RASGRF1: variants seen among roughly 807,000 people sequenced by gnomAD.
RASGRF1 encodes ras-specific guanine nucleotide-releasing factor 1.
Under a neutral mutation model 138.7 loss-of-function variants are expected in RASGRF1, and 40 were observed. That is an observed-to-expected ratio of 0.29 (90% CI 0.22 to 0.38). The LOEUF is 0.38. Ranked by LOEUF, RASGRF1 falls within the 10% of genes least tolerant of loss-of-function variation. RASGRF1 has a pLI of 1.00. For missense variants in RASGRF1, 1,108 were observed against 1,650.4 expected (o/e 0.67, Z 5.69); for synonymous variants, 614 against 663.2 (o/e 0.93, Z 1.14).
chr15:79,009,904 T>C (rs1057044029), intron 13 of RASGRF1, among the ~76,000 whole-genome samples: 4 of 151,920 alleles, frequency 2.6e-5, no homozygotes, highest in Non-Finnish European at 5.9e-5. Context: ...TTTTGTGTTT[T>C]AGTAGAGACG....
chr15:79,060,009 C>CAG (rs993986343), intron 2 of RASGRF1, among the ~76,000 whole-genome samples: 2 of 99,072 alleles, frequency 2.0e-5, no homozygotes, highest in African/African-American at 7.5e-5. Context: ...CACACACACA[C>CAG]ACACACACAC....
chr15:78,984,284 A>G (rs1329951335), intron 23 of RASGRF1, among the ~76,000 whole-genome samples: 1 of 152,128 alleles, frequency 6.6e-6, no homozygotes, highest in East Asian at 1.9e-4. Context: ...CCTCCTGCAC[A>G]CATGCAGGCT....
intron 26 of RASGRF1, among the ~76,000 whole-genome samples, chr15:78,971,390 T>C (rs543809051): frequency 2.0e-5 from 3 of 152,320 alleles, no homozygotes; most frequent in African/African-American, 7.2e-5. Context: ...AAAGGAATGA[T>C]ACTGAGCAGT....
intron 22 of RASGRF1, among the ~76,000 whole-genome samples, chr15:78,988,897 A>G (rs2056216099): frequency 1.4e-5 from 2 of 141,658 alleles, no homozygotes; most frequent in African/African-American, 2.6e-5. Context: ...AATGGAAGCC[A>G]TGAGCTACCA....
At position 79,029,419 on chromosome 15, in the gene RASGRF1, G is replaced by A. The variant is rs115605779; in HGVS notation, c.1263-1560C>T. Among the ~76,000 whole-genome samples the A allele has an allele frequency of 3.0e-3, 456 of 152,284 alleles. 2 individuals carry two copies. Among genetic ancestry groups the A allele is most frequent in the African/African-American group, 8.2e-3 (342 of 41,552 alleles). On this transcript the variant is annotated intron_variant, in intron 8 of 26. Coordinates refer to ENST00000558480, the MANE Select transcript of RASGRF1 (RefSeq NM_001145648.3). ...ACACAAGGCGGGTAATTCCAAGGTA[G>A]CAAAACTAGTTTTCCTGAGCAGCTG...
chr15:79,050,604 A>G lies in RASGRF1; in HGVS notation c.532-1016T>C, dbSNP rs535933758. Among the ~76,000 whole-genome samples the G allele has an allele frequency of 2.6e-5, 4 of 152,300 alleles. No homozygotes were observed. In the South Asian group the frequency reaches 6.2e-4, roughly 24 times the overall value. On this transcript the variant is annotated intron_variant, in intron 3 of 26. Transcript: ENST00000558480. The surrounding 1 kb of genome is among the most constrained non-coding windows in gnomAD (Gnocchi z 4.1). ...AGAAAAGTGGAGCAGCTCTTCAAATATCTAGCTGCTCTAAACATCTCCATT... is the reference window on the plus strand; with the variant it reads ...AGAAAAGTGGAGCAGCTCTTCAAATGTCTAGCTGCTCTAAACATCTCCATT...
chr15:79,025,485 A>T lies in RASGRF1; in HGVS notation c.1382-11T>A. ...CCTGAATGAGGGAACCTGTGGGTGG[A>T]GGAGAGAGACCCTGAGCCCATCTCC... On this transcript the variant is annotated splice_polypyrimidine_tract_variant and intron_variant, in intron 9 of 26. Transcript: ENST00000558480. 1 of 1,610,114 alleles carries T rather than the reference A, an allele frequency of 6.2e-7. No individual in the cohort carries two copies. The highest frequency in any genetic ancestry group is 1.1e-5 in the South Asian group (1 of 90,638).
At chr15:78,992,059 G>T (rs2056281353) in intron 20 of RASGRF1, among the ~76,000 whole-genome samples, 1 of 152,222 alleles carries the variant, frequency 6.6e-6, no homozygotes, top group African/African-American at 2.4e-5. Context: ...CCCTGCCAGG[G>T]AGCTCCCAGC....
intron 13 of RASGRF1, among the ~76,000 whole-genome samples, chr15:79,010,024 C>CT (rs1359186092): frequency 7.0e-6 from 1 of 143,820 alleles, no homozygotes; most frequent in Admixed American, 7.0e-5. Flanking sequence ...CACCCAGCCT[C>CT]TTTGTTTGTT....
chr15:79,019,657 T>C (rs1442465754), intron 11 of RASGRF1, among the ~76,000 whole-genome samples: 4 of 152,168 alleles, frequency 2.6e-5, no homozygotes, highest in Admixed American at 6.5e-5. Flanking sequence ...CTTGTGCATG[T>C]CACACACAGG....
At position 79,067,805 on chromosome 15, in the gene RASGRF1, G is replaced by A. The variant is rs143812952; in HGVS notation, c.277-3279C>T. 3.2e-3 allele frequency among the ~76,000 whole-genome samples: 486 copies of A among 152,218 alleles called. 7 individuals carry two copies. Among genetic ancestry groups the A allele is most frequent in the African/African-American group, 0.011 (463 of 41,506 alleles). On this transcript the variant is annotated intron_variant, in intron 1 of 26. Coordinates refer to ENST00000558480, the MANE Select transcript of RASGRF1 (RefSeq NM_001145648.3). ...AGACAGAGATAAGATAGAGATAGAT[G>A]GGTGGGGGGCAGGTGGGAGAGGGAG...
chr15:78,995,597 T>C (rs7174528), intron 20 of RASGRF1, 143 bp downstream of exon 20: 143,762 of 1,011,894 alleles, frequency 0.14, 11,055 homozygotes, highest in Admixed American at 0.16. Context: ...CCCATTCCTG[T>C]TGTTTTAAGC....
At chr15:79,056,984 C>T (rs2057519685) in intron 3 of RASGRF1, among the ~76,000 whole-genome samples, 1 of 152,210 alleles carries the variant, frequency 6.6e-6, no homozygotes, top group Non-Finnish European at 1.5e-5. Flanking sequence ...ATGCATGTTC[C>T]TACCTCCCAC....
chr15:79,038,405 GTTAAAT>G (rs2057251302), intron 5 of RASGRF1, among the ~76,000 whole-genome samples: 1 of 152,098 alleles, frequency 6.6e-6, no homozygotes, highest in Admixed American at 6.5e-5. Flanking sequence ...CATTTCTAAG[GTTAAAT>G]TTAAAGAATT....
chr15:79,024,408 A>AAT (rs1031242422), intron 10 of RASGRF1, among the ~76,000 whole-genome samples: 24 of 151,312 alleles, frequency 1.6e-4, no homozygotes, highest in African/African-American at 5.4e-4. Flanking sequence ...CATATACACA[A>AAT]ATATATACAC....
intron 21 of RASGRF1, among the ~76,000 whole-genome samples, chr15:78,991,354 C>T (rs928149422): frequency 6.6e-6 from 1 of 152,258 alleles, no homozygotes; most frequent in Non-Finnish European, 1.5e-5. Context: ...TGGACCTACA[C>T]ACGTGCCCAC....
intron 22 of RASGRF1, 147 bp from the exon 23 acceptor site, chr15:78,985,351 G>T (rs1386106040): frequency 2.4e-6 from 2 of 845,506 alleles, no homozygotes; most frequent in African/African-American, 3.4e-5. Context: ...GCTTGCTAGG[G>T]TTGCTGGCTA....
Position 79,004,227 on chromosome 15 carries a change from G to A in RASGRF1, c.2076-52C>T, listed in dbSNP as rs150966515. On this transcript the variant is annotated intron_variant, in intron 14 of 26. Coordinates refer to ENST00000558480, the MANE Select transcript of RASGRF1 (RefSeq NM_001145648.3). ...ACAGTTAGCGTAGGCCTGCCTGCCCGCCTAGGCCTGGGGGCCGTCTCCGGT... is the reference window on the plus strand; with the variant it reads ...ACAGTTAGCGTAGGCCTGCCTGCCCACCTAGGCCTGGGGGCCGTCTCCGGT... The A allele has an allele frequency of 3.2e-4, 475 of 1,506,534 alleles. 2 individuals are homozygous for A. In the African/African-American group the frequency reaches 4.9e-3, roughly 16 times the overall value. 93.3% of individuals were successfully genotyped at this position (1,506,534 alleles called of 1,614,324 possible). A position where few individuals can be genotyped will look rare whatever the true frequency, so the allele number is the denominator to read the frequency against.
At chr15:79,069,476 A>G (rs1228852885) in intron 1 of RASGRF1, among the ~76,000 whole-genome samples, 5 of 152,310 alleles carry the variant, frequency 3.3e-5, no homozygotes, top group South Asian at 4.1e-4. Flanking sequence ...CTCACCCCAA[A>G]TAAGTGGAGC....
Sources: allele counts gnomAD v4.1 joint callset (sites outside exome capture counted in the v4.1 genomes callset), GRCh38; gene constraint gnomAD v4.1.1; non-coding constraint Gnocchi (gnomAD v3.1); transcripts MANE v1.5; gene names NCBI Gene and HGNC (gene_info 2026-07-23, HGNC 2026-07-21).